Variants in TMEM67 observed in about 807,000 individuals in gnomAD.
The protein encoded by TMEM67 is meckelin.
A neutral mutation model predicts 136.6 loss-of-function variants in TMEM67; 124 were observed. The observed-to-expected ratio is 0.91, with a 90% CI of 0.78 to 1.05. The LOEUF (loss-of-function observed/expected upper bound fraction) is 1.05. Ranked by LOEUF, TMEM67 falls within the 50% of genes least tolerant of loss-of-function variation. The probability of loss-of-function intolerance (pLI) is 0.00; values close to 1 mark genes in which losing one functional copy is unlikely to be tolerated. For missense variants in TMEM67, 1,107 were observed against 1,178.4 expected, an observed-to-expected ratio of 0.94 and a Z score of 0.89; for synonymous variants, 364 against 390.5, an observed-to-expected ratio of 0.93 and a Z score of 0.80.
chr8:93,793,672 G>A (rs1814484253), intron 16 of TMEM67, among the ~76,000 whole-genome samples: 1 of 151,994 alleles, frequency 6.6e-6, no homozygotes, highest in Non-Finnish European at 1.5e-5. Context: ...TCTGTGAACT[G>A]CCTGTTTATA....
chr8:93,821,092 A>G (rs183323984), downstream of TMEM67, among the ~76,000 whole-genome samples: 8 of 152,314 alleles, frequency 5.3e-5, no homozygotes, highest in East Asian at 1.4e-3. Flanking sequence ...GGTAGCATGC[A>G]GTGCAGTAAG....
chr8:93,768,850 T>C (rs1337628429), intron 6 of TMEM67, among the ~76,000 whole-genome samples: 1 of 151,994 alleles, frequency 6.6e-6, no homozygotes, highest in African/African-American at 2.4e-5. Context: ...AGTTGACCCA[T>C]TATAGACTTC....
chr8:93,775,154 T>G (rs915059360), intron 7 of TMEM67, among the ~76,000 whole-genome samples: 1 of 152,228 alleles, frequency 6.6e-6, no homozygotes, highest in Non-Finnish European at 1.5e-5. Context: ...ATAAATGTCT[T>G]CTGTTGAGAA....
At position 93,804,755 on chromosome 8, in the gene TMEM67, T is replaced by C; in HGVS notation, c.2323-7T>C. On this transcript the variant is annotated splice_region_variant and splice_polypyrimidine_tract_variant and intron_variant, in intron 22 of 27. Coordinates refer to ENST00000453321, the MANE Select transcript of TMEM67 (RefSeq NM_153704.6). Reference sequence around the variant, plus strand: ...GCTATTTGCTTCTTTTTATTCTCTTTTTATAGATATCAGTGTTTCTGTTAT... The same window carrying C: ...GCTATTTGCTTCTTTTTATTCTCTTCTTATAGATATCAGTGTTTCTGTTAT... 6.6e-7 allele frequency: 1 copy of C among 1,511,628 alleles called. No individual in the cohort carries two copies. Among genetic ancestry groups the C allele is most frequent in the Non-Finnish European group, 9.2e-7 (1 of 1,087,790 alleles). The allele number at this position is 1,511,628 out of a possible 1,614,324, so 93.6% of individuals were successfully genotyped here. A position where few individuals can be genotyped will look rare whatever the true frequency, so the allele number is the denominator to read the frequency against.
rs1813886322 is a variant in TMEM67 at position 93,782,528 on chromosome 8, G to A, written c.1131+68G>A. ...CAAAATATCATGTCAGCAGTAATTG[G>A]AATAATACTTAAATTTTTGAGATTG... On this transcript the variant is annotated intron_variant, in intron 11 of 27. Transcript: ENST00000453321. 2.2e-5 allele frequency: 25 copies of A among 1,134,936 alleles called. No individual in the cohort carries two copies. In the East Asian group the frequency reaches 6.2e-4, roughly 28 times the overall value. 70.3% of individuals were successfully genotyped at this position (1,134,936 alleles called of 1,614,324 possible).
intron 23 of TMEM67, among the ~76,000 whole-genome samples, chr8:93,808,373 C>T (rs1200683468): frequency 3.1e-5 from 2 of 63,892 alleles, no homozygotes; most frequent in Non-Finnish European, 7.5e-5. Context: ...TATTTATCTA[C>T]TATAAATATT....
chr8:93,768,682 T>C (rs1002753652), intron 6 of TMEM67, among the ~76,000 whole-genome samples: 1 of 152,214 alleles, frequency 6.6e-6, no homozygotes, highest in African/African-American at 2.4e-5. Context: ...GGGTTCTTTC[T>C]AACCTTTCCC....
At chr8:93,778,296 A>G (rs1813651100) in intron 7 of TMEM67, among the ~76,000 whole-genome samples, 1 of 151,834 alleles carries the variant, frequency 6.6e-6, no homozygotes, top group Non-Finnish European at 1.5e-5. Context: ...ATGGGTCTTT[A>G]CTCTTTATCC....
At position 93,814,885 on chromosome 8, in the gene TMEM67, T is replaced by A. The variant is rs189185064; in HGVS notation, c.2765-420T>A. Among the ~76,000 whole-genome samples, 849 of 152,282 alleles carry A rather than the reference T, an allele frequency of 5.6e-3. 7 individuals are homozygous for A. Among genetic ancestry groups the A allele is most frequent in the Non-Finnish European group, 7.1e-3 (485 of 68,004 alleles). On this transcript the variant is annotated intron_variant, in intron 26 of 27. Coordinates refer to ENST00000453321, the MANE Select transcript of TMEM67 (RefSeq NM_153704.6). Reference sequence around the variant, plus strand: ...TTAGAGCAAAACCTCAGCGGGACTATTTGAGATAAATTCTTGAACTCTTGA... The same window carrying A: ...TTAGAGCAAAACCTCAGCGGGACTAATTGAGATAAATTCTTGAACTCTTGA...
intron 6 of TMEM67, among the ~76,000 whole-genome samples, chr8:93,770,925 G>A (rs978731392): frequency 3.3e-5 from 5 of 151,642 alleles, no homozygotes; most frequent in African/African-American, 1.2e-4. Context: ...TGAGGCAGGA[G>A]AATCGCTTGA....
At chr8:93,776,112 G>A (rs1375073901) in intron 7 of TMEM67, among the ~76,000 whole-genome samples, 3 of 152,086 alleles carry the variant, frequency 2.0e-5, no homozygotes, top group Non-Finnish European at 4.4e-5. Context: ...TCTCTTTGTA[G>A]GAATTGTGAA....
chr8:93,762,891 T>C (rs1328388922), intron 3 of TMEM67: 7 of 399,138 alleles, frequency 1.8e-5, no homozygotes, highest in Admixed American at 3.0e-5. Flanking sequence ...GTTAACGGTA[T>C]GCTCTGATGC....
At chr8:93,758,453 G>T (rs752589660) in intron 2 of TMEM67, 30 bp from the exon 3 acceptor site, 4 of 1,553,240 alleles carry the variant, frequency 2.6e-6, no homozygotes, top group Non-Finnish European at 3.6e-6. Flanking sequence ...AATTAAAAAA[G>T]AGAAAAGCAT....
At chr8:93,813,490 G>A (rs192826806) in intron 26 of TMEM67, among the ~76,000 whole-genome samples, 70 of 152,262 alleles carry the variant, frequency 4.6e-4, no homozygotes, top group Non-Finnish European at 6.5e-4. Context: ...CACTACCTTC[G>A]TCTTCATCAA....
rs538380011 is a variant in TMEM67 at position 93,815,323 on chromosome 8, G to A, written c.2783G>A (p.Ser928Asn). The change falls in exon 27 of 28, where the codon AGC (serine) becomes AAC (asparagine). Residue 928 changes from serine to asparagine, a missense_variant. Ser to Asn is a conservative substitution (Grantham distance 46). Transcript: ENST00000453321. ...TTAATAGATGAAGGTTATTCTTTCA[G>A]CAGTGTCCTGTATTATGGAAATGAA... ...IFYNDEGYSF[S>N]SVLYYGNEAT... 11 of 1,587,618 alleles carry A rather than the reference G, an allele frequency of 6.9e-6. No homozygotes were observed. In the African/African-American group the frequency reaches 1.2e-4, roughly 17 times the overall value.
intron 13 of TMEM67, among the ~76,000 whole-genome samples, chr8:93,786,954 T>G (rs532219189): frequency 4.3e-4 from 65 of 152,214 alleles, no homozygotes; most frequent in Non-Finnish European, 8.7e-4. Flanking sequence ...AATATACTTA[T>G]TTTTCAGTTA....
intron 3 of TMEM67, 28 bp from the exon 4 acceptor site, chr8:93,763,814 A>G (rs1812956134): frequency 2.0e-6 from 3 of 1,471,636 alleles, no homozygotes; most frequent in South Asian, 1.1e-5. Flanking sequence ...TATGAGTTAC[A>G]TCTTTATTTT....
intron 7 of TMEM67, among the ~76,000 whole-genome samples, chr8:93,773,255 G>A (rs985106881): frequency 1.3e-5 from 2 of 152,166 alleles, no homozygotes; most frequent in Non-Finnish European, 2.9e-5. Context: ...AAGAGAGAAG[G>A]AGGAGGCTGG....
At chr8:93,787,274 T>C (rs1186404772) in intron 13 of TMEM67, among the ~76,000 whole-genome samples, 1 of 151,994 alleles carries the variant, frequency 6.6e-6, no homozygotes, top group Admixed American at 6.6e-5. Context: ...TTTAAAAATT[T>C]ATTTATTTGT....
Sources: allele counts gnomAD v4.1 joint callset (sites outside exome capture counted in the v4.1 genomes callset), GRCh38; gene constraint gnomAD v4.1.1; transcripts MANE v1.5; gene names NCBI Gene and HGNC (gene_info 2026-07-23, HGNC 2026-07-21).